ITGB3BP: variants seen among roughly 807,000 people sequenced by gnomAD.
The protein encoded by ITGB3BP is centromere protein R.
In ITGB3BP, 27 loss-of-function variants were observed where a neutral mutation model predicts 29.1. The observed-to-expected ratio is 0.93, with a 90% CI of 0.68 to 1.28. The LOEUF is 1.28. Ranked by LOEUF, ITGB3BP falls within the 50% of genes most tolerant of loss-of-function variation. ITGB3BP has a pLI of 0.00. For missense variants in ITGB3BP, 192 were observed against 200.2 expected (o/e 0.96, Z 0.25); for synonymous variants, 61 against 61.4 (o/e 0.99, Z 0.03).
intron 1 of ITGB3BP, among the ~76,000 whole-genome samples, chr1:63,511,802 G>T (rs371156684): frequency 3.3e-5 from 5 of 151,906 alleles, no homozygotes; most frequent in East Asian, 1.9e-4. Context: ...GGAAATTACT[G>T]TTTAATGGGT....
intron 4 of ITGB3BP, among the ~76,000 whole-genome samples, chr1:63,476,401 TCTTA>T (rs1340295492): frequency 2.0e-5 from 3 of 152,192 alleles, no homozygotes; most frequent in Non-Finnish European, 2.9e-5. Flanking sequence ...ATGTCTCAGC[TCTTA>T]CTTAAACTCA....
chr1:63,527,505 T>C (rs1644761271), upstream of ITGB3BP, among the ~76,000 whole-genome samples: 1 of 94,706 alleles, frequency 1.1e-5, no homozygotes, highest in Non-Finnish European at 2.1e-5. Flanking sequence ...GTTCCTTTTT[T>C]GTCAATTTAT....
At chr1:63,447,712 C>T (rs941514740) in intron 7 of ITGB3BP, 4 of 450,024 alleles carry the variant, frequency 8.9e-6, no homozygotes, top group Middle Eastern at 3.9e-4. Flanking sequence ...GAAATAGGAA[C>T]ACTTTTACAC....
chr1:63,459,715 T>C (rs991696070), intron 4 of ITGB3BP, among the ~76,000 whole-genome samples: 7 of 152,144 alleles, frequency 4.6e-5, no homozygotes, highest in Non-Finnish European at 1.0e-4. Context: ...ATTATTTAAT[T>C]ATCCGGGTTT....
At chr1:63,469,343 T>G (rs187415267) in intron 4 of ITGB3BP, among the ~76,000 whole-genome samples, 88 of 151,468 alleles carry the variant, frequency 5.8e-4, no homozygotes, top group African/African-American at 2.1e-3. Flanking sequence ...TTTTTTTTTT[T>G]GAGACAGAGT....
chr1:63,464,663 A>G (rs1645070807), intron 4 of ITGB3BP, among the ~76,000 whole-genome samples: 1 of 152,210 alleles, frequency 6.6e-6, no homozygotes, highest in Non-Finnish European at 1.5e-5. Context: ...ACCTCCCCAC[A>G]AAGTATTTAT....
At chr1:63,488,554 T>C (rs1057162035) in intron 3 of ITGB3BP, among the ~76,000 whole-genome samples, 2 of 152,130 alleles carry the variant, frequency 1.3e-5, no homozygotes, top group Admixed American at 6.6e-5. Flanking sequence ...TCATTTATTT[T>C]GAACTTAAGT....
chr1:63,503,896 T>C (rs1212988025), intron 2 of ITGB3BP, among the ~76,000 whole-genome samples: 1 of 152,178 alleles, frequency 6.6e-6, no homozygotes, highest in Non-Finnish European at 1.5e-5. Context: ...ACCAGTACCA[T>C]GCTGTTTTGG....
chr1:63,516,868 G>A (rs1482193697), intron 1 of ITGB3BP, among the ~76,000 whole-genome samples: 1 of 152,026 alleles, frequency 6.6e-6, no homozygotes, highest in Admixed American at 6.6e-5. Flanking sequence ...GGAAGGTGAG[G>A]GTTGAAAAAT....
Position 63,478,827 on chromosome 1 carries a change from C to A in ITGB3BP, c.191G>T (p.Arg64Ile). The A allele has an allele frequency of 7.6e-7, 1 of 1,314,904 alleles. No homozygotes were observed. Among genetic ancestry groups the A allele is most frequent in the African/African-American group, 1.5e-5 (1 of 65,634 alleles). The allele number at this position is 1,314,904 out of a possible 1,614,324, so 81.5% of individuals were successfully genotyped here. The change falls in exon 4 of 9, where the codon AGA becomes ATA. Residue 64 changes from arginine (R) to isoleucine (I), a missense_variant. Coordinates refer to ENST00000271002, the MANE Select transcript of ITGB3BP (RefSeq NM_014288.5). Reference protein sequence around the residue: ...KHRNGLSNEKRKKLNHPSLTE... With the variant: ...KHRNGLSNEKIKKLNHPSLTE... ...TAAACTGGGGTGATTCAATTTTTTT[C>A]TCTTTTCTATATATGTGTAATAAAG... is the stretch of plus-strand genomic sequence containing the variant.
At chr1:63,500,823 C>A (rs770948356) in intron 2 of ITGB3BP, among the ~76,000 whole-genome samples, 121 of 151,982 alleles carry the variant, frequency 8.0e-4, no homozygotes, top group Non-Finnish European at 1.6e-3. Context: ...TACAGAATAG[C>A]CAAATCAATC....
At chr1:63,481,320 AAG>A (rs1306665408) in intron 3 of ITGB3BP, among the ~76,000 whole-genome samples, 5 of 152,236 alleles carry the variant, frequency 3.3e-5, no homozygotes, top group South Asian at 4.1e-4. Flanking sequence ...GTTAAATATG[AAG>A]AGTTTTAATA....
chr1:63,488,971 T>C (rs752449710), intron 3 of ITGB3BP, among the ~76,000 whole-genome samples: 3 of 152,222 alleles, frequency 2.0e-5, no homozygotes, highest in Non-Finnish European at 2.9e-5. Flanking sequence ...AATATGGAAA[T>C]TGAGTACATA....
intron 2 of ITGB3BP, among the ~76,000 whole-genome samples, chr1:63,493,084 A>ACGCGCGCGCG (rs1203724292): frequency 2.9e-5 from 4 of 136,142 alleles, no homozygotes; most frequent in Non-Finnish European, 6.4e-5. Flanking sequence ...ACACACACAC[A>ACGCGCGCGCG]CACACGCGCG....
chr1:63,527,258 A>T (rs907114529), upstream of ITGB3BP, among the ~76,000 whole-genome samples: 1 of 152,332 alleles, frequency 6.6e-6, no homozygotes, highest in East Asian at 1.9e-4. Flanking sequence ...TTATGAAATT[A>T]TCTGGGAGGA....
At chr1:63,441,327 TC>T (rs1644727745) in intron 8 of ITGB3BP, among the ~76,000 whole-genome samples, 1 of 152,122 alleles carries the variant, frequency 6.6e-6, no homozygotes, top group African/African-American at 2.4e-5. Flanking sequence ...AACCTCTGCC[TC>T]CCGTGTTCAA....
At chr1:63,520,582 T>C (rs1009286334) in intron 1 of ITGB3BP, among the ~76,000 whole-genome samples, 1 of 152,126 alleles carries the variant, frequency 6.6e-6, no homozygotes, top group African/African-American at 2.4e-5. Context: ...TAAATCCTTT[T>C]AAAAAACATT....
chr1:63,472,741 C>T (rs532611713), intron 4 of ITGB3BP, among the ~76,000 whole-genome samples: 44 of 151,446 alleles, frequency 2.9e-4, no homozygotes, highest in African/African-American at 9.7e-4. Flanking sequence ...CCTCCCGAGG[C>T]GCCGGGATTG....
At position 63,449,476 on chromosome 1, in the gene ITGB3BP, AG is replaced by A. The variant is rs1224107846; in HGVS notation, c.485-2621del. On this transcript the variant is annotated intron_variant, in intron 7 of 8. Coordinates refer to ENST00000271002, the MANE Select transcript of ITGB3BP (RefSeq NM_014288.5). The stretch of plus-strand genomic sequence containing the variant: ...AAAAGGCTTTGAAAAGTAATAAATC[AG>A]TTTATTTTTACTTAAATCCTAGACA... 4 of 152,156 alleles carry A rather than the reference AG, an allele frequency of 2.6e-5. No homozygotes were observed. In the East Asian group the frequency reaches 7.7e-4, roughly 29 times the overall value. The allele number at this position is 152,156 out of a possible 1,614,324, so 9.4% of individuals were successfully genotyped here. A position where few individuals can be genotyped will look rare whatever the true frequency, so the allele number is the denominator to read the frequency against.
Sources: allele counts gnomAD v4.1 joint callset (sites outside exome capture counted in the v4.1 genomes callset), GRCh38; gene constraint gnomAD v4.1.1; transcripts MANE v1.5; gene names NCBI Gene and HGNC (gene_info 2026-07-23, HGNC 2026-07-21).